PCDHAC2: variants seen among roughly 807,000 people sequenced by gnomAD.
PCDHAC2 encodes the protein protocadherin alpha subfamily C, 2, also known as protocadherin alpha-C2.
A neutral mutation model predicts 63.3 loss-of-function variants in PCDHAC2; 24 were observed. The ratio of observed to expected loss-of-function variants is 0.38; its 90% CI spans 0.27 to 0.53. The LOEUF (loss-of-function observed/expected upper bound fraction) is 0.53. Among genes scored for constraint, PCDHAC2 ranks in the 20% least tolerant of loss-of-function variants. The pLI is 0.81. For synonymous variants in PCDHAC2, 569 were observed against 529.4 expected, an observed-to-expected ratio of 1.07 and a Z score of -1.03; for missense variants, 1,181 against 1,275.2, an observed-to-expected ratio of 0.93 and a Z score of 1.12.
At chr5:140,989,321 C>A (rs898791820) in intron 3 of PCDHAC2, among the ~76,000 whole-genome samples, 6 of 152,178 alleles carry the variant, frequency 3.9e-5, no homozygotes, top group Non-Finnish European at 7.3e-5. Flanking sequence ...GTCTCACCAA[C>A]TTTGCCACCT....
intron 3 of PCDHAC2, among the ~76,000 whole-genome samples, chr5:140,992,437 T>G (rs1554252912): frequency 6.6e-6 from 1 of 151,938 alleles, no homozygotes; most frequent in African/African-American, 2.4e-5. Context: ...GTTCCAAGAG[T>G]TGGGAGCAGG....
In PCDHAC2 at chr5:140,968,094, A is replaced by G; in HGVS notation, c.1328A>G (p.Asp443Gly). 1 of 1,614,138 alleles carries G rather than the reference A, an allele frequency of 6.2e-7. No individual in the cohort carries two copies. Residue 443 changes from aspartate to glycine, a missense_variant, in exon 1 of 4, where the codon GAT (aspartate) becomes GGT (glycine). Transcript: ENST00000289269. ...TACAACATCACGGTGACAGCCACAG[A>G]TGGGGGAATACCGCAGCTCACATCC... is the stretch of plus-strand genomic sequence containing the variant. ...AVYNITVTATDGGIPQLTSLR... is the reference protein window; with the variant it reads ...AVYNITVTATGGGIPQLTSLR...
At chr5:140,971,292 T>C (rs1194622162) in intron 1 of PCDHAC2, among the ~76,000 whole-genome samples, 1 of 152,210 alleles carries the variant, frequency 6.6e-6, no homozygotes, top group Non-Finnish European at 1.5e-5. Flanking sequence ...TAATATGTAC[T>C]TTGGTACACA....
rs782810130 is a variant in PCDHAC2, at chr5:140,967,034, C to T, written c.268C>T (p.Leu90=). The T allele has an allele frequency of 5.6e-6, 9 of 1,610,726 alleles. No homozygotes were observed. Among genetic ancestry groups the T allele is most frequent in the Non-Finnish European group, 2.5e-6 (3 of 1,179,014 alleles). Residue 90 remains leucine, a synonymous_variant, in exon 1 of 4, where the codon CTG becomes TTG. Transcript: ENST00000289269. ...NHLGAPSPRY[L]ELDLTSGALF... ...TCTGGGTGCGCCCAGTCCGCGCTAC[C>T]TGGAGCTGGACCTGACGAGTGGAGC...
chr5:141,010,285 C>G lies in PCDHAC2; in HGVS notation c.*348C>G, dbSNP rs1214485732. ...CTCCGGGGATCCTGTCTTGATGACA[C>G]TTGCAGGGCAGGCTGAAAAGTTTTG... On this transcript the variant is annotated 3_prime_UTR_variant, in exon 4 of 4. Transcript: ENST00000289269. 1.3e-6 allele frequency: 2 copies of G among 1,550,576 alleles called. No individual in the cohort carries two copies. Among genetic ancestry groups the G allele is most frequent in the Non-Finnish European group, 1.7e-6 (2 of 1,146,690 alleles).
intron 1 of PCDHAC2, among the ~76,000 whole-genome samples, chr5:140,974,980 G>C (rs149148015): frequency 6.6e-6 from 1 of 152,090 alleles, no homozygotes; most frequent in African/African-American, 2.4e-5. Flanking sequence ...TGAGTTGTCC[G>C]CTCAGGTATT....
At chr5:140,969,464 C>T in intron 1 of PCDHAC2, 133 bp downstream of exon 1, 2 of 1,491,562 alleles carry the variant, frequency 1.3e-6, no homozygotes, top group South Asian at 2.7e-5. Context: ...ATATAGTATC[C>T]ACAATTTGAT....
In PCDHAC2 at chr5:140,998,188, AG is replaced by A. The variant is rs375338994; in HGVS notation, c.2714-11438del. On this transcript the variant is annotated intron_variant, in intron 3 of 3. Transcript: ENST00000289269. ...CAAGTATTATTCTAAGCACTTTACAAGTATTAACTCCTTTAATCTGTATAAC... is the reference window on the plus strand; with the variant it reads ...CAAGTATTATTCTAAGCACTTTACAATATTAACTCCTTTAATCTGTATAAC... Among the ~76,000 whole-genome samples, 972 of 152,318 alleles carry A rather than the reference AG, an allele frequency of 6.4e-3. 14 individuals are homozygous for A. Among genetic ancestry groups the A allele is most frequent in the African/African-American group, 0.023 (946 of 41,556 alleles).
chr5:141,009,539 C>T, intron 3 of PCDHAC2, 88 bp from the exon 4 acceptor site: 1 of 1,522,752 alleles, frequency 6.6e-7, no homozygotes, highest in Non-Finnish European at 8.8e-7. Flanking sequence ...TTCAGCCTGC[C>T]TATGCAGTAC....
Position 140,966,918 on chromosome 5 carries a change from A to T in PCDHAC2, c.152A>T (p.Glu51Val). ...CAGCTGCGATACTCTGTGCCAGAGG[A>T]GCAGGCACCCGGCGCGCTCGTGGGC... Reference protein sequence around the residue: ...ASQLRYSVPEEQAPGALVGNV... With the variant: ...ASQLRYSVPEVQAPGALVGNV... Residue 51 changes from glutamate (E) to valine (V), a missense_variant, in exon 1 of 4, where the codon GAG (glutamate) becomes GTG (valine). Physicochemically the swap from Glu to Val is moderately radical, Grantham distance 121. Around this residue, in one of 3 missense-constraint regions of PCDHAC2, gnomAD observed 210 missense variants for 184.9 expected, o/e 1.14. Transcript: ENST00000289269. 1 of 1,602,744 alleles carries T rather than the reference A, an allele frequency of 6.2e-7. No individual in the cohort carries two copies.
chr5:141,009,132 G>A (rs2098400947), intron 3 of PCDHAC2, among the ~76,000 whole-genome samples: 1 of 152,204 alleles, frequency 6.6e-6, no homozygotes, highest in African/African-American at 2.4e-5. Flanking sequence ...GTATCCTGGT[G>A]AAAAAACCTG....
rs1246720296 is a variant in PCDHAC2, at chr5:140,996,308, AAGGGGGG to A, written c.2714-13314_2714-13308del. 2.6e-5 allele frequency among the ~76,000 whole-genome samples: 4 copies of A among 152,358 alleles called. No individual in the cohort carries two copies. The East Asian group carries it at 5.8e-4, about 22-fold the overall frequency. On this transcript the variant is annotated intron_variant, in intron 3 of 3. Coordinates refer to ENST00000289269, the MANE Select transcript of PCDHAC2 (RefSeq NM_018899.6). ...CAAGAAGCACAGATTGTAACAAAGT[AAGGGGGG>A]AGGGTAGAGAAGAAAAGTTTGAAAA... is the stretch of plus-strand genomic sequence containing the variant.
At chr5:140,979,894 C>G (rs1183667310) in intron 2 of PCDHAC2, among the ~76,000 whole-genome samples, 2 of 152,206 alleles carry the variant, frequency 1.3e-5, no homozygotes, top group African/African-American at 4.8e-5. Context: ...ATTCACCAAA[C>G]TTAGATCAGT....
intron 3 of PCDHAC2, among the ~76,000 whole-genome samples, chr5:140,999,639 T>C (rs1554256919): frequency 6.6e-6 from 1 of 152,144 alleles, no homozygotes; most frequent in African/African-American, 2.4e-5. Context: ...TAGAGAAAAC[T>C]GTGCAGCCTG....
chr5:140,985,007 G>A (rs1349447884), intron 3 of PCDHAC2, among the ~76,000 whole-genome samples: 2 of 151,706 alleles, frequency 1.3e-5, no homozygotes, highest in African/African-American at 4.8e-5. Flanking sequence ...GCACGATATC[G>A]GCTCACAGCA....
In PCDHAC2 at chr5:140,968,565, C is replaced by T. The variant is rs532751675; in HGVS notation, c.1799C>T (p.Ala600Val). ...AFEMVPRTAP[A>V]GYLVTKVIAM... ...GAGATGGTGCCTCGAACTGCCCCTG[C>T]TGGCTACCTGGTCACCAAAGTCATA... is the stretch of plus-strand genomic sequence containing the variant. Residue 600 changes from alanine to valine, a missense_variant, in exon 1 of 4, where the codon GCT becomes GTT. By Grantham distance (64) the Ala-to-Val change is moderately conservative (BLOSUM62 0). Around this residue, in one of 3 missense-constraint regions of PCDHAC2, gnomAD observed 968 missense variants for 1,073.5 expected, o/e 0.90. Coordinates refer to ENST00000289269, the MANE Select transcript of PCDHAC2 (RefSeq NM_018899.6). 4.3e-6 allele frequency: 7 copies of T among 1,614,206 alleles called. No homozygotes were observed. The African/African-American group carries it at 6.7e-5, about 15-fold the overall frequency.
intron 2 of PCDHAC2, among the ~76,000 whole-genome samples, chr5:140,979,943 T>A (rs2153820467): frequency 6.6e-6 from 1 of 152,364 alleles, no homozygotes; most frequent in Admixed American, 6.5e-5. Context: ...GTAGAGTTAA[T>A]GTGAAATTAG....
At chr5:141,001,476 G>A (rs1554258187) in intron 3 of PCDHAC2, among the ~76,000 whole-genome samples, 1 of 152,226 alleles carries the variant, frequency 6.6e-6, no homozygotes, top group Admixed American at 6.5e-5. Flanking sequence ...CAGCAGCGGG[G>A]AAGTGCTGGA....
intron 3 of PCDHAC2, among the ~76,000 whole-genome samples, chr5:141,003,942 G>C (rs1054043476): frequency 2.0e-5 from 3 of 152,148 alleles, no homozygotes; most frequent in Non-Finnish European, 2.9e-5. Flanking sequence ...TTGCCTGAGG[G>C]TGAGCTAGGA....
Sources: gnomAD v4.1 joint callset for allele counts (sites outside exome capture counted in the v4.1 genomes callset) on GRCh38, gnomAD v4.1.1 for gene constraint, gnomAD v4.1.1 regional missense constraint, MANE v1.5 for transcripts, NCBI Gene and HGNC (gene_info 2026-07-23, HGNC 2026-07-21) for gene names.